Variants in DSG1 observed in about 807,000 individuals in gnomAD.
DSG1 encodes desmoglein-1.
In DSG1, 39 loss-of-function variants were observed where a neutral mutation model predicts 97.5. That is an observed-to-expected ratio of 0.40 (90% CI 0.31 to 0.52). The LOEUF (loss-of-function observed/expected upper bound fraction) is 0.52. Ranked by LOEUF, DSG1 falls within the 20% of genes least tolerant of loss-of-function variation. The pLI is 0.53. For synonymous variants in DSG1, 475 were observed against 443.4 expected (o/e 1.07, Z -0.90); for missense variants, 1,311 against 1,295.4 (o/e 1.01, Z -0.18).
intron 11 of DSG1, among the ~76,000 whole-genome samples, chr18:31,340,446 A>G (rs926201504): frequency 3.3e-5 from 5 of 151,986 alleles, no homozygotes; most frequent in African/African-American, 1.2e-4. Context: ...CGTCTCTACT[A>G]AAAATACAAA....
At chr18:31,334,615 G>A (rs1191960697) in intron 8 of DSG1, among the ~76,000 whole-genome samples, 1 of 152,044 alleles carries the variant, frequency 6.6e-6, no homozygotes, top group East Asian at 1.9e-4. Context: ...TATTCATCAT[G>A]TAAATAAAAA....
chr18:31,332,951 GC>G (rs1300039094), intron 6 of DSG1, among the ~76,000 whole-genome samples: 1 of 152,184 alleles, frequency 6.6e-6, no homozygotes, highest in East Asian at 1.9e-4. Context: ...GGACTCTGCA[GC>G]CATTGGGAAG....
chr18:31,324,489 G>A (rs1033817160), intron 1 of DSG1, among the ~76,000 whole-genome samples: 2 of 152,094 alleles, frequency 1.3e-5, no homozygotes, highest in Non-Finnish European at 2.9e-5. Context: ...TTTTGCTCAA[G>A]TTTTGATCCA....
chr18:31,351,778 A>T (rs1332728855), intron 14 of DSG1, among the ~76,000 whole-genome samples: 1 of 151,706 alleles, frequency 6.6e-6, no homozygotes, highest in Non-Finnish European at 1.5e-5. Context: ...TTTATCAGAG[A>T]CTAGGATTGC....
intron 10 of DSG1, among the ~76,000 whole-genome samples, 162 bp from the exon 11 acceptor site, chr18:31,339,582 T>A (rs573036396): frequency 1.3e-5 from 2 of 152,176 alleles, no homozygotes; most frequent in African/African-American, 4.8e-5. Flanking sequence ...TTTAACTGAT[T>A]TTTAAAACCG....
chr18:31,331,959 T>G (rs896401896), intron 6 of DSG1, 92 bp downstream of exon 6: 2 of 1,282,572 alleles, frequency 1.6e-6, no homozygotes, highest in Non-Finnish European at 2.2e-6. Context: ...AAGAAAATGA[T>G]GGTTTAAATT....
At chr18:31,332,209 G>A (rs1423136829) in intron 6 of DSG1, among the ~76,000 whole-genome samples, 1 of 152,048 alleles carries the variant, frequency 6.6e-6, no homozygotes, top group Non-Finnish European at 1.5e-5. Flanking sequence ...AATGAATTTA[G>A]GAATGACTTG....
At chr18:31,338,505 C>A in intron 10 of DSG1, 51 bp downstream of exon 10, 1 of 1,578,076 alleles carries the variant, frequency 6.3e-7, no homozygotes, top group Non-Finnish European at 8.7e-7. Context: ...CTGTATATAC[C>A]TTAAGATATT....
At position 31,355,040 on chromosome 18, in the gene DSG1, T is replaced by C. The variant is rs747490461; in HGVS notation, c.2844T>C (p.Asn948=). Residue 948 remains asparagine (N), a synonymous_variant, in exon 15 of 15, where the codon AAT becomes AAC. Transcript: ENST00000257192. The part of the protein sequence containing the change: ...SMHPELANAH[N]VIVTERVVSG... ...ACCCCGAGTTAGCCAATGCCCACAA[T>C]GTCATTGTGACAGAGAGGGTTGTTT... 2 of 1,614,218 alleles carry C rather than the reference T, an allele frequency of 1.2e-6. No homozygotes were observed. The highest frequency in any genetic ancestry group is 1.7e-6 in the Non-Finnish European group (2 of 1,180,040).
In DSG1 at chr18:31,339,778, T is replaced by C. The variant is rs1217448644; in HGVS notation, c.1440T>C (p.Asn480=). The stretch of plus-strand genomic sequence containing the variant: ...AAAGAACTTGCACTGGTACAATTAA[T>C]ATTAACATTCAAAGTTTTGGTAATG... ...NLQRTCTGTI[N]INIQSFGNDD... The change falls in exon 11 of 15, where the codon AAT becomes AAC. Residue 480 remains asparagine (N), a synonymous_variant. Coordinates refer to ENST00000257192, the MANE Select transcript of DSG1 (RefSeq NM_001942.4). The C allele has an allele frequency of 3.7e-6, 6 of 1,612,520 alleles. No individual in the cohort carries two copies. The highest frequency in any genetic ancestry group is 3.4e-6 in the Non-Finnish European group (4 of 1,178,702).
chr18:31,329,425 A>T (rs1280717952), intron 4 of DSG1, among the ~76,000 whole-genome samples: 2 of 152,016 alleles, frequency 1.3e-5, no homozygotes, highest in Non-Finnish European at 2.9e-5. Context: ...TTTAGCCTTC[A>T]ATTCCAAATC....
chr18:31,323,318 A>G (rs2071665072), intron 1 of DSG1, among the ~76,000 whole-genome samples: 1 of 152,200 alleles, frequency 6.6e-6, no homozygotes, highest in Non-Finnish European at 1.5e-5. Context: ...GACAAGGTCT[A>G]GGTCATTTAG....
chr18:31,354,931 A>G lies in DSG1; in HGVS notation c.2735A>G (p.His912Arg), dbSNP rs755925914. The part of the protein sequence containing the change: ...SSSLPTSLTI[H>R]HPRESSNVVV... The stretch of plus-strand genomic sequence containing the variant: ...AGTCTACCCACCTCTCTGACTATCC[A>G]TCATCCTAGAGAGTCTTCAAATGTG... The change falls in exon 15 of 15, where the codon CAT becomes CGT. Residue 912 changes from histidine to arginine, a missense_variant. Around this residue, in one of 3 missense-constraint regions of DSG1, gnomAD observed 1,038 missense variants for 964.6 expected, o/e 1.08. Transcript: ENST00000257192. The G allele has an allele frequency of 3.1e-6, 5 of 1,614,204 alleles. No individual in the cohort carries two copies. Among genetic ancestry groups the G allele is most frequent in the Non-Finnish European group, 3.4e-6 (4 of 1,180,032 alleles).
rs1267172861 is a variant in DSG1, at chr18:31,359,227, C to T, written c.*3881C>T. 6.6e-6 allele frequency among the ~76,000 whole-genome samples: 1 copy of T among 152,016 alleles called. No homozygotes were observed. The highest frequency in any genetic ancestry group is 2.4e-5 in the African/African-American group (1 of 41,398). ...AATTTCCAAAGAGTTATGCATACAG[C>T]AATAAAATTATTAATATGCCTCCCT... On this transcript the variant is annotated 3_prime_UTR_variant, in exon 15 of 15. Coordinates refer to ENST00000257192, the MANE Select transcript of DSG1 (RefSeq NM_001942.4).
chr18:31,336,267 G>GT (rs1555655103), intron 8 of DSG1, 87 bp from the exon 9 acceptor site: 98 of 1,198,416 alleles, frequency 8.2e-5, no homozygotes, highest in African/African-American at 5.0e-4. Flanking sequence ...AAGATAATAA[G>GT]TTTTTTTTGC....
chr18:31,343,883 T>A (rs1011089458), intron 12 of DSG1, 43 bp from the exon 13 acceptor site: 5 of 1,475,536 alleles, frequency 3.4e-6, no homozygotes, highest in African/African-American at 1.4e-5. Flanking sequence ...AAGATTATAG[T>A]CATTGGTCAC....
At chr18:31,346,293 C>G in intron 14 of DSG1, 95 bp downstream of exon 14, 1 of 1,010,196 alleles carries the variant, frequency 9.9e-7, no homozygotes, top group Non-Finnish European at 1.6e-6. Flanking sequence ...TGGCAGGAGT[C>G]TCCTAACTAG....
chr18:31,358,429 C>A lies in DSG1; in HGVS notation c.*3083C>A, dbSNP rs975350265. ...TATTTATATATCTTCATCTAGACATCTGTTCTACATTTGTGTATAAAGTTT... is the reference window on the plus strand; with the variant it reads ...TATTTATATATCTTCATCTAGACATATGTTCTACATTTGTGTATAAAGTTT... On this transcript the variant is annotated 3_prime_UTR_variant, in exon 15 of 15. Coordinates refer to ENST00000257192, the MANE Select transcript of DSG1 (RefSeq NM_001942.4). Among the ~76,000 whole-genome samples the A allele has an allele frequency of 3.3e-5, 5 of 152,038 alleles. No individual in the cohort carries two copies. Among genetic ancestry groups the A allele is most frequent in the African/African-American group, 7.2e-5 (3 of 41,442 alleles).
At chr18:31,346,292 T>G in intron 14 of DSG1, 94 bp downstream of exon 14, 1 of 1,020,954 alleles carries the variant, frequency 9.8e-7, no homozygotes, top group Non-Finnish European at 1.5e-6. Flanking sequence ...TTGGCAGGAG[T>G]CTCCTAACTA....
Sources: allele counts gnomAD v4.1 joint callset (sites outside exome capture counted in the v4.1 genomes callset), GRCh38; gene constraint gnomAD v4.1.1; regional missense constraint gnomAD v4.1.1; transcripts MANE v1.5; gene names NCBI Gene and HGNC (gene_info 2026-07-23, HGNC 2026-07-21).